Variants in DLG2 observed in about 807,000 individuals in gnomAD.
DLG2 encodes the protein disks large homolog 2.
In DLG2, 45 loss-of-function variants were observed where a neutral mutation model predicts 132.5. The observed-to-expected ratio is 0.34, with a 90% CI of 0.27 to 0.44. The LOEUF is 0.44. Among genes scored for constraint, DLG2 ranks in the 20% least tolerant of loss-of-function variants. The pLI is 1.00. For missense variants in DLG2, 1,045 were observed against 1,196.9 expected (o/e 0.87, Z 1.87); for synonymous variants, 424 against 419.6 (o/e 1.01, Z -0.13).
chr11:84,538,912 C>T (rs1038141902), intron 6 of DLG2, among the ~76,000 whole-genome samples: 5 of 152,108 alleles, frequency 3.3e-5, no homozygotes, highest in Non-Finnish European at 5.9e-5. Flanking sequence ...TTAACTCAAA[C>T]TCAAGCTTCC....
chr11:84,211,976 G>C (rs1173835304), intron 8 of DLG2, among the ~76,000 whole-genome samples: 1 of 152,142 alleles, frequency 6.6e-6, no homozygotes, highest in Non-Finnish European at 1.5e-5. Context: ...GTGTGAGCTG[G>C]AAAGGCTCAG....
chr11:83,947,047 G>T (rs756057954), intron 14 of DLG2, among the ~76,000 whole-genome samples: 3 of 152,166 alleles, frequency 2.0e-5, no homozygotes, highest in Non-Finnish European at 2.9e-5. Flanking sequence ...TGAAGCCATG[G>T]AATTAATGCC....
intron 3 of DLG2, among the ~76,000 whole-genome samples, chr11:85,445,406 G>A (rs1420882398): frequency 2.0e-5 from 3 of 152,132 alleles, no homozygotes; most frequent in African/African-American, 4.8e-5. Context: ...GGCCGGGCGC[G>A]GTGGCTCATG....
At chr11:84,067,399 T>C (rs983386927) in intron 10 of DLG2, among the ~76,000 whole-genome samples, 8 of 152,270 alleles carry the variant, frequency 5.3e-5, no homozygotes, top group Admixed American at 3.3e-4. Context: ...ACACATTTTA[T>C]GTCAATTATA....
At chr11:84,042,659 G>T (rs749540143) in intron 11 of DLG2, among the ~76,000 whole-genome samples, 8 of 151,694 alleles carry the variant, frequency 5.3e-5, no homozygotes, top group Non-Finnish European at 1.0e-4. Context: ...GGGTGTGCAG[G>T]TTTGTTACAT....
At position 85,111,672 on chromosome 11, in the gene DLG2, G is replaced by A; in HGVS notation, c.346C>T (p.His116Tyr). 4 of 1,563,062 alleles carry A rather than the reference G, an allele frequency of 2.6e-6. No individual in the cohort carries two copies. Among genetic ancestry groups the A allele is most frequent in the South Asian group, 1.2e-5 (1 of 84,578 alleles). ...SVEAPAWMPV[H>Y]HCTKYRYQDE... ...ATAATCAAACTTACAGTACAGTGGT[G>A]GACAGGCATCCAAGCAGGGGCTTCC... Residue 116 changes from histidine to tyrosine, a missense_variant, in exon 6 of 28, where the codon CAC becomes TAC. His to Tyr is a moderately conservative substitution (Grantham distance 83, BLOSUM62 2). Transcript: ENST00000376104.
chr11:83,860,064 C>T lies in DLG2; in HGVS notation c.1565+14356G>A, dbSNP rs1304291746. On this transcript the variant is annotated intron_variant, in intron 16 of 27. Transcript: ENST00000376104. ...AGATTTTAGAAGATGTATGGAAATG[C>T]CTGGAAGCCCAGGAGAAGTTTGCTG... Among the ~76,000 whole-genome samples, 6 of 152,154 alleles carry T rather than the reference C, an allele frequency of 3.9e-5. No homozygotes were observed. The South Asian group carries it at 6.2e-4, about 16-fold the overall frequency.
intron 10 of DLG2, among the ~76,000 whole-genome samples, chr11:84,067,045 ACAAT>A (rs2096685057): frequency 6.6e-6 from 1 of 152,186 alleles, no homozygotes; most frequent in African/African-American, 2.4e-5. Context: ...CTTAAAGATA[ACAAT>A]CAATCACTTA....
intron 6 of DLG2, among the ~76,000 whole-genome samples, chr11:84,977,001 T>C (rs1184754475): frequency 6.6e-6 from 1 of 152,130 alleles, no homozygotes; most frequent in African/African-American, 2.4e-5. Context: ...CCGGTTACAA[T>C]GTAGCTATAT....
At chr11:83,557,327 A>G (rs778681749) in intron 19 of DLG2, among the ~76,000 whole-genome samples, 2 of 152,212 alleles carry the variant, frequency 1.3e-5, no homozygotes, top group African/African-American at 2.4e-5. Context: ...TGAGGTGATG[A>G]GATGACAGGT....
chr11:84,304,358 T>A (rs1349245245), intron 7 of DLG2, among the ~76,000 whole-genome samples: 1 of 152,204 alleles, frequency 6.6e-6, no homozygotes, highest in Non-Finnish European at 1.5e-5. Flanking sequence ...TTTTGCAGGA[T>A]CGCATGTTAA....
chr11:85,622,240 T>C (rs1223976119), intron 2 of DLG2, among the ~76,000 whole-genome samples: 1 of 152,206 alleles, frequency 6.6e-6, no homozygotes, highest in East Asian at 1.9e-4. Context: ...CTGTACTGTA[T>C]ACAACAAATA....
At chr11:85,571,527 T>G (rs2077843304) in intron 3 of DLG2, among the ~76,000 whole-genome samples, 1 of 152,176 alleles carries the variant, frequency 6.6e-6, no homozygotes, top group African/African-American at 2.4e-5. Flanking sequence ...TTAGCCTTCA[T>G]ATTCTGATTC....
intron 7 of DLG2, among the ~76,000 whole-genome samples, chr11:84,503,966 T>A (rs967958055): frequency 2.6e-5 from 4 of 152,186 alleles, no homozygotes; most frequent in Non-Finnish European, 5.9e-5. Context: ...TGAATTGGAG[T>A]GTGACTTTGA....
intron 6 of DLG2, among the ~76,000 whole-genome samples, chr11:84,606,178 A>G (rs189531663): frequency 4.9e-4 from 74 of 152,212 alleles, no homozygotes; most frequent in African/African-American, 1.7e-3. Context: ...AGAGTGCATT[A>G]AAAAAATGAA....
intron 3 of DLG2, among the ~76,000 whole-genome samples, chr11:85,525,743 T>C (rs1279130654): frequency 6.6e-6 from 1 of 152,182 alleles, no homozygotes; most frequent in Non-Finnish European, 1.5e-5. Context: ...GCCAGGAGAA[T>C]ATTTTCAGGC....
intron 22 of DLG2, chr11:83,483,224 A>G (rs764994683): frequency 4.4e-6 from 7 of 1,601,184 alleles, no homozygotes; most frequent in Non-Finnish European, 6.0e-6. Flanking sequence ...AGAAAAGAAA[A>G]GTTACAGTGA....
chr11:84,460,191 T>C (rs1273971825), intron 7 of DLG2, among the ~76,000 whole-genome samples: 1 of 150,672 alleles, frequency 6.6e-6, no homozygotes. Context: ...ATCTTTGCCT[T>C]CCAGGGAGTA....
At chr11:85,238,584 T>C (rs1034917143) in intron 4 of DLG2, among the ~76,000 whole-genome samples, 1 of 152,102 alleles carries the variant, frequency 6.6e-6, no homozygotes, top group Non-Finnish European at 1.5e-5. Context: ...TCTAAAATTA[T>C]CAAACCATCC....
Sources: allele counts gnomAD v4.1 joint callset (sites outside exome capture counted in the v4.1 genomes callset), GRCh38; gene constraint gnomAD v4.1.1; transcripts MANE v1.5; gene names NCBI Gene and HGNC (gene_info 2026-07-23, HGNC 2026-07-21).